Variants in TENM2 observed in about 807,000 individuals in gnomAD.
TENM2 encodes teneurin-2.
In TENM2, 52 loss-of-function variants were observed where a neutral mutation model predicts 245.2. That is an observed-to-expected ratio of 0.21 (90% CI 0.17 to 0.27). The LOEUF is 0.27. Among genes scored for constraint, TENM2 ranks in the 10% least tolerant of loss-of-function variants. TENM2 has a pLI of 1.00. For missense variants in TENM2, 3,046 were observed against 3,666.8 expected, an observed-to-expected ratio of 0.83 and a Z score of 4.37; for synonymous variants, 1,363 against 1,438.9, an observed-to-expected ratio of 0.95 and a Z score of 1.19.
intron 2 of TENM2, among the ~76,000 whole-genome samples, chr5:167,388,778 G>T (rs1021047680): frequency 1.3e-5 from 2 of 152,026 alleles, no homozygotes; most frequent in East Asian, 3.9e-4. Context: ...TCAGGAACAG[G>T]TTATGTAATT....
At chr5:168,147,164 A>G (rs1756166609) in intron 12 of TENM2, among the ~76,000 whole-genome samples, 1 of 152,252 alleles carries the variant, frequency 6.6e-6, no homozygotes, top group East Asian at 1.9e-4. Context: ...TAAATTAATT[A>G]TTCAAAACAA....
the TENM2 span, among the ~76,000 whole-genome samples, chr5:167,089,438 A>G: frequency 1.3e-5 from 2 of 152,216 alleles, no homozygotes; most frequent in African/African-American, 4.8e-5. Context: ...GATGCTTGGT[A>G]ATGGTTTAAT....
chr5:167,008,338 AAT>A, the TENM2 span, among the ~76,000 whole-genome samples: 1 of 152,156 alleles, frequency 6.6e-6, no homozygotes, highest in African/African-American at 2.4e-5. Context: ...TTAAATTTTT[AAT>A]AGAGTCAGAA....
intron 2 of TENM2, among the ~76,000 whole-genome samples, chr5:167,460,319 T>C (rs559645547): frequency 2.9e-3 from 436 of 152,318 alleles, no homozygotes; most frequent in Admixed American, 5.9e-3. Flanking sequence ...AAAATACTAT[T>C]GGTTTAAAAC....
chr5:167,290,931 A>G (rs1174561855), intron 1 of TENM2, among the ~76,000 whole-genome samples: 3 of 152,174 alleles, frequency 2.0e-5, no homozygotes, highest in African/African-American at 7.2e-5. Flanking sequence ...AAATTAATCC[A>G]TTTTCGTCAC....
At position 167,353,302 on chromosome 5, in the gene TENM2, A is replaced by G. The variant is rs1457850358; in HGVS notation, c.227-21896A>G. ...CGTTTTGAAATTGGTGTAACACAGGAAACTTGACTCTGTAATGTGCAGGGG... is the reference window on the plus strand; with the variant it reads ...CGTTTTGAAATTGGTGTAACACAGGGAACTTGACTCTGTAATGTGCAGGGG... On this transcript the variant is annotated intron_variant, in intron 1 of 28. Coordinates refer to ENST00000518659, the Ensembl canonical transcript of TENM2. 2.8e-5 allele frequency among the ~76,000 whole-genome samples: 4 copies of G among 143,588 alleles called. No individual in the cohort carries two copies. The Admixed American group carries it at 3.0e-4, about 11-fold the overall frequency. 94.2% of individuals were successfully genotyped at this position (143,588 alleles called of 152,430 possible). A position where few individuals can be genotyped will look rare whatever the true frequency, so the allele number is the denominator to read the frequency against.
intron 2 of TENM2, among the ~76,000 whole-genome samples, chr5:167,645,485 G>A (rs1026830687): frequency 3.9e-5 from 6 of 152,100 alleles, no homozygotes; most frequent in South Asian, 2.1e-4. Context: ...CCTCAATCTC[G>A]GAGGCTTCTT....
chr5:168,056,778 T>C (rs1004876757), intron 6 of TENM2, among the ~76,000 whole-genome samples: 2 of 152,184 alleles, frequency 1.3e-5, no homozygotes, highest in African/African-American at 4.8e-5. Flanking sequence ...ATTCATTTTT[T>C]ATCTCTTATA....
chr5:167,728,888 C>G (rs946814948), intron 2 of TENM2: 2 of 152,234 alleles, frequency 1.3e-5, no homozygotes, highest in East Asian at 3.9e-4. Flanking sequence ...GCCATATGTT[C>G]CTGCCAGGCA....
chr5:167,609,906 A>G (rs1238756468), intron 2 of TENM2, among the ~76,000 whole-genome samples: 2 of 152,082 alleles, frequency 1.3e-5, no homozygotes, highest in South Asian at 2.1e-4. Context: ...TTCCAATGCT[A>G]TCTACATGGA....
intron 3 of TENM2, among the ~76,000 whole-genome samples, chr5:167,916,830 A>T (rs1276593138): frequency 6.6e-6 from 1 of 152,206 alleles, no homozygotes; most frequent in East Asian, 1.9e-4. Context: ...TTCTTGGGGT[A>T]AGCAAAACCA....
Position 167,974,087 on chromosome 5 carries a change from AAGG to A in TENM2, c.948-18856_948-18854del, listed in dbSNP as rs1453171510. Among the ~76,000 whole-genome samples the A allele has an allele frequency of 1.3e-3, 7 of 5,600 alleles. 3 individuals are homozygous for A. The highest frequency in any genetic ancestry group is 1.4e-3 in the Non-Finnish European group (5 of 3,558). 3.7% of individuals were successfully genotyped at this position (5,600 alleles called of 152,430 possible). On this transcript the variant is annotated intron_variant, in intron 4 of 28. Coordinates refer to ENST00000518659, the Ensembl canonical transcript of TENM2. Reference sequence around the variant, plus strand: ...GGAGGGAGGGAGGAAGGAAGGAAGGAAGGGAAGGAAGGAAGGGAGGAAAGGAGG... The same window carrying A: ...GGAGGGAGGGAGGAAGGAAGGAAGGAGAAGGAAGGAAGGGAGGAAAGGAGG...
At chr5:167,681,844 G>A (rs1258165870) in intron 2 of TENM2, among the ~76,000 whole-genome samples, 2 of 151,974 alleles carry the variant, frequency 1.3e-5, no homozygotes, top group South Asian at 4.2e-4. Flanking sequence ...ATATGTCTGG[G>A]TGACTTCTAG....
chr5:167,007,286 C>T, the TENM2 span, among the ~76,000 whole-genome samples: 1 of 152,146 alleles, frequency 6.6e-6, no homozygotes, highest in Non-Finnish European at 1.5e-5. The surrounding 1 kb of genome is among the most constrained non-coding windows in gnomAD (Gnocchi z 4.2). Context: ...AAAGGCATTT[C>T]CCAGCTCATA....
At chr5:168,193,092 G>T (rs895021095) in intron 14 of TENM2, among the ~76,000 whole-genome samples, 3 of 152,192 alleles carry the variant, frequency 2.0e-5, no homozygotes, top group Non-Finnish European at 4.4e-5. Context: ...AGACCTGAAA[G>T]AAAGTTGCTT....
At chr5:167,896,931 C>T (rs765637256) in intron 3 of TENM2, among the ~76,000 whole-genome samples, 2 of 152,208 alleles carry the variant, frequency 1.3e-5, no homozygotes, top group Non-Finnish European at 2.9e-5. Context: ...CTAGCATGTG[C>T]GTTTCCCCAG....
chr5:167,363,791 T>G (rs1759867903), intron 1 of TENM2, among the ~76,000 whole-genome samples: 1 of 148,516 alleles, frequency 6.7e-6, no homozygotes, highest in African/African-American at 2.5e-5. Flanking sequence ...ACCTTCATAG[T>G]TAAGTGTGAG....
At chr5:168,199,728 T>C (rs1263630848) in intron 16 of TENM2, 136 bp from the exon 19 acceptor site, 10 of 821,882 alleles carry the variant, frequency 1.2e-5, no homozygotes, top group South Asian at 6.8e-5. Context: ...TCTTTCTCAG[T>C]GGTGGTAAGT....
At chr5:167,630,946 AC>A (rs1554092798) in intron 2 of TENM2, among the ~76,000 whole-genome samples, 1 of 152,134 alleles carries the variant, frequency 6.6e-6, no homozygotes, top group Non-Finnish European at 1.5e-5. Flanking sequence ...CATGTACCCA[AC>A]CGGGTTTTGG....
Sources: gnomAD v4.1 joint callset for allele counts (sites outside exome capture counted in the v4.1 genomes callset) on GRCh38, gnomAD v4.1.1 for gene constraint, Gnocchi (gnomAD v3.1) non-coding constraint, MANE v1.5 for transcripts, NCBI Gene and HGNC (gene_info 2026-07-23, HGNC 2026-07-21) for gene names.